ABCA12: variants seen among roughly 807,000 people sequenced by gnomAD.
The protein encoded by ABCA12 is glucosylceramide transporter ABCA12.
A neutral mutation model predicts 293.5 loss-of-function variants in ABCA12; 156 were observed. The observed-to-expected ratio is 0.53, with a 90% CI of 0.47 to 0.61. The LOEUF is 0.61. Among genes scored for constraint, ABCA12 ranks in the 20% least tolerant of loss-of-function variants. The pLI, the probability that ABCA12 is intolerant of heterozygous loss-of-function variation, is 0.00. For synonymous variants in ABCA12, 1,063 were observed against 1,108.0 expected (o/e 0.96, Z 0.81); for missense variants, 2,797 against 3,090.2 (o/e 0.91, Z 2.25).
chr2:215,015,717 G>C, intron 14 of ABCA12, 54 bp from the exon 15 acceptor site: 1 of 1,551,286 alleles, frequency 6.4e-7, no homozygotes, highest in Non-Finnish European at 8.9e-7. Flanking sequence ...AGAGTCAACT[G>C]TTCATTTTGT....
intron 2 of ABCA12, among the ~76,000 whole-genome samples, chr2:215,069,582 G>A (rs1044678422): frequency 2.6e-5 from 4 of 152,044 alleles, no homozygotes; most frequent in Admixed American, 6.6e-5. Context: ...AAAGTAGTTC[G>A]TAACATTATA....
At chr2:215,071,366 T>A (rs1005011947) in intron 2 of ABCA12, among the ~76,000 whole-genome samples, 18 of 152,092 alleles carry the variant, frequency 1.2e-4, no homozygotes, top group African/African-American at 4.1e-4. Flanking sequence ...ATTTTGTAGA[T>A]AACCTCCGAG....
At chr2:214,991,930 T>C (rs146350137) in intron 23 of ABCA12, among the ~76,000 whole-genome samples, 194 of 152,262 alleles carry the variant, frequency 1.3e-3, no homozygotes, top group African/African-American at 4.4e-3. Context: ...ATACCTAATG[T>C]AGATGACAGG....
At chr2:215,026,996 T>C in intron 9 of ABCA12, 58 bp from the exon 10 acceptor site, 1 of 1,258,572 alleles carries the variant, frequency 7.9e-7, no homozygotes, top group Admixed American at 1.7e-5. Flanking sequence ...GCAAAGCCGT[T>C]TTGTTGAGAT....
Position 215,030,815 on chromosome 2 carries a change from G to A in ABCA12, c.1061+1006C>T, listed in dbSNP as rs146436305. On this transcript the variant is annotated intron_variant, in intron 9 of 52. Transcript: ENST00000272895. ...AGAACTTCTCGTTAAATAATAGAAA[G>A]TTTGTAAACAACTATGTACGTTCTA... Among the ~76,000 whole-genome samples, 285 of 152,136 alleles carry A rather than the reference G, an allele frequency of 1.9e-3. 6 individuals are homozygous for A. Among genetic ancestry groups the A allele is most frequent in the African/African-American group, 6.5e-3 (270 of 41,500 alleles).
At chr2:215,135,031 C>A (rs1703180839) in intron 1 of ABCA12, among the ~76,000 whole-genome samples, 1 of 152,058 alleles carries the variant, frequency 6.6e-6, no homozygotes, top group Non-Finnish European at 1.5e-5. Flanking sequence ...GGCACAATCT[C>A]AGCTCACGGC....
At chr2:215,071,196 CAAATA>C (rs149235929) in intron 2 of ABCA12, among the ~76,000 whole-genome samples, 40,701 of 119,384 alleles carry the variant, frequency 0.34, 7,835 homozygotes, top group Middle Eastern at 0.42. Context: ...GATCCTGTCT[CAAATA>C]AAATAAAATA....
chr2:214,997,226 C>A (rs1331324943), intron 23 of ABCA12, among the ~76,000 whole-genome samples: 1 of 152,030 alleles, frequency 6.6e-6, no homozygotes, highest in African/African-American at 2.4e-5. Context: ...TTGAAGGAGA[C>A]AAGGTATACT....
At chr2:214,998,988 A>G (rs959034436) in intron 22 of ABCA12, among the ~76,000 whole-genome samples, 1 of 152,180 alleles carries the variant, frequency 6.6e-6, no homozygotes, top group Non-Finnish European at 1.5e-5. Flanking sequence ...CCCAAGAAAA[A>G]TGTAAATATT....
In ABCA12 at chr2:215,026,811, C is replaced by G; in HGVS notation, c.1180+9G>C. ...TGAGCAGCATTTTGACTGTTAAGAA[C>G]AGTATTACCTGGTGAACCTCTGGCC... On this transcript the variant is annotated intron_variant, in intron 10 of 52. Coordinates refer to ENST00000272895, the MANE Select transcript of ABCA12 (RefSeq NM_173076.3). The G allele has an allele frequency of 8.9e-6, 14 of 1,578,766 alleles. No individual in the cohort carries two copies. Among genetic ancestry groups the G allele is most frequent in the Non-Finnish European group, 1.2e-5 (14 of 1,147,994 alleles).
intron 2 of ABCA12, among the ~76,000 whole-genome samples, chr2:215,101,614 C>A (rs1005320171): frequency 6.6e-5 from 10 of 152,118 alleles, no homozygotes; most frequent in Non-Finnish European, 1.5e-4. Context: ...TTTCACTTCC[C>A]AAATTTCTCC....
At chr2:215,079,868 C>T (rs1701903671) in intron 2 of ABCA12, among the ~76,000 whole-genome samples, 1 of 152,130 alleles carries the variant, frequency 6.6e-6, no homozygotes, top group Non-Finnish European at 1.5e-5. Context: ...ACATAAAAAG[C>T]TGAAAAGAAA....
chr2:214,938,402 G>A (rs182779759), intron 50 of ABCA12, among the ~76,000 whole-genome samples: 17 of 152,192 alleles, frequency 1.1e-4, no homozygotes, highest in African/African-American at 3.9e-4. Flanking sequence ...CTTTGCTATT[G>A]TGAACAGTGC....
chr2:215,100,533 T>A (rs1288032523), intron 2 of ABCA12, among the ~76,000 whole-genome samples: 2 of 151,168 alleles, frequency 1.3e-5, no homozygotes, highest in East Asian at 3.9e-4. Flanking sequence ...TCACTATTAA[T>A]CAATGAATAT....
intron 19 of ABCA12, among the ~76,000 whole-genome samples, chr2:215,005,262 T>A (rs1700228149): frequency 6.6e-6 from 1 of 152,160 alleles, no homozygotes; most frequent in African/African-American, 2.4e-5. Context: ...AGGAGAGAAT[T>A]CAACTCAATT....
In ABCA12 at chr2:215,111,634, A is replaced by T. The variant is rs779392897; in HGVS notation, c.126T>A (p.Ile42=). 1.1e-5 allele frequency: 17 copies of T among 1,613,574 alleles called. No individual in the cohort carries two copies. In the South Asian group the frequency reaches 1.9e-4, roughly 18 times the overall value. Residue 42 remains isoleucine, a synonymous_variant, in exon 2 of 53, where the codon ATT becomes ATA. Transcript: ENST00000272895. The part of the protein sequence containing the change: ...WPVIIFIILA[I]TRTKFPPTAK... ...CAGTTGGAGGAAATTTGGTCCGAGTAATAGCCAAAATTATGAAAATAATGA... is the reference window on the plus strand; with the variant it reads ...CAGTTGGAGGAAATTTGGTCCGAGTTATAGCCAAAATTATGAAAATAATGA...
chr2:215,047,099 T>C (rs1001143985), intron 6 of ABCA12, among the ~76,000 whole-genome samples: 3 of 152,064 alleles, frequency 2.0e-5, no homozygotes, highest in African/African-American at 7.2e-5. Flanking sequence ...AGGGAAGACA[T>C]CCAGATAAAT....
chr2:214,937,444 C>T (rs920708205), intron 51 of ABCA12, 66 bp downstream of exon 51: 13 of 1,304,426 alleles, frequency 1.0e-5, no homozygotes, highest in East Asian at 7.1e-5. Flanking sequence ...AGTGATTGCC[C>T]GCCTCGGACT....
chr2:215,008,187 G>A (rs915736741), intron 18 of ABCA12, among the ~76,000 whole-genome samples: 3 of 152,152 alleles, frequency 2.0e-5, no homozygotes, highest in Non-Finnish European at 2.9e-5. Flanking sequence ...ATCCTAGTTC[G>A]AGGATAGCAG....
Sources: allele counts gnomAD v4.1 joint callset (sites outside exome capture counted in the v4.1 genomes callset), GRCh38; gene constraint gnomAD v4.1.1; transcripts MANE v1.5; gene names NCBI Gene and HGNC (gene_info 2026-07-23, HGNC 2026-07-21).